TESC: variants seen among roughly 807,000 people sequenced by gnomAD.
The protein encoded by TESC is calcineurin B homologous protein 3.
In TESC, 19 loss-of-function variants were observed where a neutral mutation model predicts 31.0. The observed-to-expected ratio is 0.61, with a 90% CI of 0.43 to 0.90. TESC has a LOEUF of 0.90. Ranked by LOEUF, TESC falls within the 40% of genes least tolerant of loss-of-function variation. The probability of loss-of-function intolerance (pLI) is 0.00; values close to 1 mark genes in which losing one functional copy is unlikely to be tolerated. For synonymous variants in TESC, 109 were observed against 114.8 expected (o/e 0.95, Z 0.32); for missense variants, 248 against 303.8 (o/e 0.82, Z 1.36).
chr12:117,088,873 A>G (rs10774901), intron 1 of TESC, among the ~76,000 whole-genome samples: 80,762 of 152,036 alleles, frequency 0.53, 22,831 homozygotes, highest in African/African-American at 0.74. Context: ...GGAAGAGACC[A>G]GGAACCAGCA....
At chr12:117,078,082 T>C (rs11068320) in intron 1 of TESC, among the ~76,000 whole-genome samples, 8,221 of 152,228 alleles carry the variant, frequency 0.054, 712 homozygotes, top group African/African-American at 0.18. Context: ...AAATAATAGA[T>C]GCAACACGTA....
rs1227249644 is a variant in TESC, at chr12:117,071,438, G to A, written c.128+3833C>T. On this transcript the variant is annotated intron_variant, in intron 2 of 7. Transcript: ENST00000335209. ...GGGGCACCCCCAGAAGGAGGCTGTG[G>A]GCCTTCACGGGGCAGGAGACGTGTC... Among the ~76,000 whole-genome samples, 5 of 147,686 alleles carry A rather than the reference G, an allele frequency of 3.4e-5. No homozygotes were observed. The East Asian group carries it at 9.7e-4, about 29-fold the overall frequency.
At chr12:117,040,154 C>T (rs1336078048) in intron 7 of TESC, among the ~76,000 whole-genome samples, 1 of 152,260 alleles carries the variant, frequency 6.6e-6, no homozygotes, top group Non-Finnish European at 1.5e-5. Flanking sequence ...GGCCTTGGGA[C>T]ATTTCCGGCC....
At chr12:117,082,362 G>A (rs1177234132) in intron 1 of TESC, among the ~76,000 whole-genome samples, 1 of 151,860 alleles carries the variant, frequency 6.6e-6, no homozygotes. Flanking sequence ...AAATTAGCCG[G>A]GCATGGTGGC....
At chr12:117,095,410 G>A (rs766001395) in intron 1 of TESC, among the ~76,000 whole-genome samples, 5 of 152,152 alleles carry the variant, frequency 3.3e-5, no homozygotes, top group South Asian at 2.1e-4. Context: ...AAAGGCTCCC[G>A]TACGTAAACA....
intron 7 of TESC, among the ~76,000 whole-genome samples, chr12:117,041,443 C>T (rs963351637): frequency 6.6e-6 from 1 of 152,138 alleles, no homozygotes; most frequent in Non-Finnish European, 1.5e-5. Context: ...AGCGATCCTC[C>T]CGCCTCTGCC....
At chr12:117,068,669 T>C (rs1954919873) in intron 2 of TESC, among the ~76,000 whole-genome samples, 1 of 152,156 alleles carries the variant, frequency 6.6e-6, no homozygotes, top group Non-Finnish European at 1.5e-5. Flanking sequence ...ATGGAGTCCC[T>C]TTTTTTTCTC....
At chr12:117,049,626 T>C (rs7959055) in intron 3 of TESC, among the ~76,000 whole-genome samples, 68,356 of 151,758 alleles carry the variant, frequency 0.45, 17,802 homozygotes, top group African/African-American at 0.73. Context: ...TCGGGCTGGG[T>C]GCGGTGGCTA....
intron 6 of TESC, 149 bp from the exon 7 acceptor site, chr12:117,042,143 G>T: frequency 2.6e-6 from 2 of 766,698 alleles, no homozygotes; most frequent in South Asian, 1.7e-5. Context: ...AGAGGAGAAC[G>T]TTCTGGATCG....
chr12:117,092,069 TCA>T (rs570526661), intron 1 of TESC, among the ~76,000 whole-genome samples: 33 of 152,270 alleles, frequency 2.2e-4, no homozygotes, highest in Non-Finnish European at 3.5e-4. Flanking sequence ...TGTCCAAACC[TCA>T]GTTTGCCCAT....
At chr12:117,039,241 G>T in intron 7 of TESC, 31 bp from the exon 8 acceptor site, 1 of 1,595,036 alleles carries the variant, frequency 6.3e-7, no homozygotes, top group Non-Finnish European at 8.5e-7. Context: ...TTAAGGGCAC[G>T]TTCCCGCCGC....
intron 1 of TESC, among the ~76,000 whole-genome samples, chr12:117,097,845 T>C (rs760544578): frequency 2.0e-5 from 3 of 152,122 alleles, no homozygotes; most frequent in Non-Finnish European, 4.4e-5. Flanking sequence ...TCCCCTCTTT[T>C]TACATTTTCT....
chr12:117,097,079 T>C (rs1955406328), intron 1 of TESC, among the ~76,000 whole-genome samples: 1 of 152,076 alleles, frequency 6.6e-6, no homozygotes, highest in Non-Finnish European at 1.5e-5. Flanking sequence ...CCTCTCCGAG[T>C]CATCTCTAAA....
chr12:117,049,183 T>C (rs1405201835), intron 3 of TESC, 25 bp from the exon 4 acceptor site: 20 of 1,613,680 alleles, frequency 1.2e-5, no homozygotes, highest in Non-Finnish European at 1.6e-5. Flanking sequence ...AGGAGGGTGT[T>C]GGAAATAAAT....
chr12:117,074,350 G>T lies in TESC; in HGVS notation c.128+921C>A, dbSNP rs572850037. 5.9e-5 allele frequency among the ~76,000 whole-genome samples: 9 copies of T among 152,172 alleles called. No individual in the cohort carries two copies. In the East Asian group the frequency reaches 1.2e-3, roughly 20 times the overall value. The stretch of plus-strand genomic sequence containing the variant: ...AACACTGCACTCCAGCCTGGGCAAC[G>T]GAGTGAGACCGTGTCTCAAAAAAAT... On this transcript the variant is annotated intron_variant, in intron 2 of 7. Coordinates refer to ENST00000335209, the MANE Select transcript of TESC (RefSeq NM_017899.4).
intron 2 of TESC, among the ~76,000 whole-genome samples, chr12:117,061,337 C>T (rs1283951569): frequency 6.6e-6 from 1 of 152,148 alleles, no homozygotes; most frequent in African/African-American, 2.4e-5. Flanking sequence ...GGGCTTCCCT[C>T]TTTGTCTGGC....
chr12:117,087,193 C>T (rs951671877), intron 1 of TESC, among the ~76,000 whole-genome samples: 1 of 152,232 alleles, frequency 6.6e-6, no homozygotes, highest in African/African-American at 2.4e-5. Flanking sequence ...TTAAAATTAA[C>T]CAAAGATGCA....
intron 6 of TESC, among the ~76,000 whole-genome samples, chr12:117,045,920 A>G (rs903094430): frequency 1.3e-5 from 2 of 152,212 alleles, no homozygotes; most frequent in Non-Finnish European, 2.9e-5. Flanking sequence ...TGTCCTTACA[A>G]GAGAAAATCC....
intron 1 of TESC, among the ~76,000 whole-genome samples, chr12:117,083,397 C>T (rs924190299): frequency 1.3e-5 from 2 of 152,078 alleles, no homozygotes; most frequent in African/African-American, 2.4e-5. Context: ...CATTTATACC[C>T]GAGATAAAAG....
Sources: allele counts gnomAD v4.1 joint callset (sites outside exome capture counted in the v4.1 genomes callset), GRCh38; gene constraint gnomAD v4.1.1; transcripts MANE v1.5; gene names NCBI Gene and HGNC (gene_info 2026-07-23, HGNC 2026-07-21).